Variants in NOL4 observed in about 807,000 individuals in gnomAD.
NOL4 encodes nucleolar protein 4, also known as cancer/testis antigen 125.
NOL4 carries 17 observed loss-of-function variants against 75.9 expected under a neutral mutation model. That is an observed-to-expected ratio of 0.22 (90% CI 0.15 to 0.34). The LOEUF is 0.34. Among genes scored for constraint, NOL4 ranks in the 10% least tolerant of loss-of-function variants. The pLI is 1.00. For missense variants in NOL4, 614 were observed against 793.5 expected, an observed-to-expected ratio of 0.77 and a Z score of 2.72; for synonymous variants, 292 against 289.9, an observed-to-expected ratio of 1.01 and a Z score of -0.07.
chr18:33,885,791 A>G (rs1482789013), intron 9 of NOL4, among the ~76,000 whole-genome samples: 3 of 152,152 alleles, frequency 2.0e-5, no homozygotes, highest in African/African-American at 7.2e-5. Flanking sequence ...AAATTGCACT[A>G]CCATCTGATC....
At chr18:34,092,455 CT>C (rs2078570722) in intron 5 of NOL4, among the ~76,000 whole-genome samples, 1 of 152,104 alleles carries the variant, frequency 6.6e-6, no homozygotes, top group African/African-American at 2.4e-5. Context: ...AAAAGCCCCT[CT>C]GTTCTTGGAC....
At chr18:34,222,960 A>G (rs768654509) in intron 1 of NOL4, 30 bp downstream of exon 1, 2 of 1,598,614 alleles carry the variant, frequency 1.3e-6, no homozygotes, top group Non-Finnish European at 1.7e-6. Context: ...GCTCCGGCAG[A>G]CAAATAACAG....
chr18:34,009,160 A>G (rs1265894063), intron 6 of NOL4, among the ~76,000 whole-genome samples: 1 of 151,850 alleles, frequency 6.6e-6, no homozygotes, highest in East Asian at 1.9e-4. Flanking sequence ...CAGGAAAGAT[A>G]TTAAGGAGCA....
intron 5 of NOL4, among the ~76,000 whole-genome samples, chr18:34,050,626 C>A (rs770349871): frequency 3.9e-5 from 6 of 152,004 alleles, no homozygotes; most frequent in Non-Finnish European, 8.8e-5. Flanking sequence ...TATATGAATG[C>A]CAGAAATCAC....
At chr18:33,866,107 C>T (rs1265370619) in intron 10 of NOL4, among the ~76,000 whole-genome samples, 3 of 152,132 alleles carry the variant, frequency 2.0e-5, no homozygotes, top group Non-Finnish European at 2.9e-5. Flanking sequence ...AAGGATCAAA[C>T]ATTGACAGCA....
intron 2 of NOL4, among the ~76,000 whole-genome samples, chr18:34,118,226 A>T (rs2079954509): frequency 6.6e-6 from 1 of 152,214 alleles, no homozygotes; most frequent in Admixed American, 6.5e-5. Context: ...TTTTTGGCAA[A>T]TATCAAACTG....
intron 1 of NOL4, among the ~76,000 whole-genome samples, chr18:34,171,951 C>T (rs947762617): frequency 2.0e-5 from 3 of 152,062 alleles, no homozygotes; most frequent in African/African-American, 7.2e-5. Flanking sequence ...CCATTTGGTG[C>T]AAAACTCCAA....
chr18:34,153,286 A>G (rs1479700857), intron 1 of NOL4, among the ~76,000 whole-genome samples: 1 of 151,968 alleles, frequency 6.6e-6, no homozygotes, highest in African/African-American at 2.4e-5. Context: ...TCGAATCATG[A>G]AATGATTGTC....
chr18:34,108,090 G>A (rs752261712), intron 2 of NOL4, among the ~76,000 whole-genome samples: 4 of 152,080 alleles, frequency 2.6e-5, no homozygotes, highest in Non-Finnish European at 5.9e-5. Flanking sequence ...CATTACACTC[G>A]AGGCACCAAG....
intron 9 of NOL4, among the ~76,000 whole-genome samples, chr18:33,887,805 A>G (rs1433165635): frequency 6.6e-6 from 1 of 152,062 alleles, no homozygotes; most frequent in Non-Finnish European, 1.5e-5. Context: ...ACATTTTCTT[A>G]ATCCAGTCTA....
At chr18:33,981,728 G>C (rs2071976994) in intron 6 of NOL4, among the ~76,000 whole-genome samples, 1 of 151,986 alleles carries the variant, frequency 6.6e-6, no homozygotes, top group Non-Finnish European at 1.5e-5. Flanking sequence ...TTAATGACTT[G>C]GACTTATTTT....
chr18:34,056,931 C>T (rs563285791), intron 5 of NOL4, among the ~76,000 whole-genome samples: 1 of 152,246 alleles, frequency 6.6e-6, no homozygotes, highest in South Asian at 2.1e-4. Context: ...AACTGAAATG[C>T]TGAGAAATAC....
chr18:33,893,291 A>G (rs142841583), intron 9 of NOL4, among the ~76,000 whole-genome samples: 138 of 152,256 alleles, frequency 9.1e-4, no homozygotes, highest in Non-Finnish European at 1.6e-3. Flanking sequence ...AAGAGTACAG[A>G]TGGCCTGCCA....
intron 9 of NOL4, among the ~76,000 whole-genome samples, chr18:33,918,950 A>G (rs190113414): frequency 6.6e-6 from 1 of 152,292 alleles, no homozygotes; most frequent in Admixed American, 6.5e-5. Context: ...TTAATAATAT[A>G]GATAGATTAG....
intron 8 of NOL4, among the ~76,000 whole-genome samples, chr18:33,956,116 A>G (rs1227433102): frequency 6.6e-6 from 1 of 152,080 alleles, no homozygotes; most frequent in Non-Finnish European, 1.5e-5. Context: ...CTTTTTATGG[A>G]CTTTTCTATT....
At chr18:34,139,465 A>G (rs1289491962) in intron 1 of NOL4, among the ~76,000 whole-genome samples, 5 of 152,162 alleles carry the variant, frequency 3.3e-5, no homozygotes, top group African/African-American at 4.8e-5. Context: ...TTATTTGCAT[A>G]GAGGTGTTTA....
intron 5 of NOL4, among the ~76,000 whole-genome samples, chr18:34,027,784 A>G (rs4799738): frequency 0.9 from 137,664 of 152,210 alleles, 62,464 homozygotes; most frequent in African/African-American, 0.98. Context: ...AAAAATCAAC[A>G]GAAGAAGAGA....
chr18:34,224,023 TATGTAGA>T lies in NOL4; in HGVS notation c.-777_-771del, dbSNP rs1450190638. On this transcript the variant is annotated 5_prime_UTR_variant, in exon 1 of 11. Coordinates refer to ENST00000261592, the MANE Select transcript of NOL4 (RefSeq NM_003787.5). ...GCATTTTGAATAAATTCCAGCCCTG[TATGTAGA>T]TTCTACGAGTTAAGTCCCAGAAATT... 1.3e-5 allele frequency: 2 copies of T among 152,272 alleles called. No individual in the cohort carries two copies. Among genetic ancestry groups the T allele is most frequent in the African/African-American group, 4.8e-5 (2 of 41,482 alleles). The allele number at this position is 152,272 out of a possible 1,614,324, so 9.4% of individuals were successfully genotyped here.
Position 33,852,825 on chromosome 18 carries a change from T to C in NOL4, c.*17A>G, listed in dbSNP as rs1185737081. On this transcript the variant is annotated 3_prime_UTR_variant, in exon 11 of 11. Coordinates refer to ENST00000261592, the MANE Select transcript of NOL4 (RefSeq NM_003787.5). ...AACTGCAAATTTAGACCTCAGTGAATATGGTGGTCGTCTGTCTCAGTTCTG... is the reference window on the plus strand; with the variant it reads ...AACTGCAAATTTAGACCTCAGTGAACATGGTGGTCGTCTGTCTCAGTTCTG... 1.9e-6 allele frequency: 3 copies of C among 1,602,844 alleles called. No homozygotes were observed. Among genetic ancestry groups the C allele is most frequent in the African/African-American group, 2.7e-5 (2 of 74,626 alleles).
Sources: gnomAD v4.1 joint callset for allele counts (sites outside exome capture counted in the v4.1 genomes callset) on GRCh38, gnomAD v4.1.1 for gene constraint, MANE v1.5 for transcripts, NCBI Gene and HGNC (gene_info 2026-07-23, HGNC 2026-07-21) for gene names.